Variants in DDX50 observed in about 807,000 individuals in gnomAD.
DDX50 encodes ATP-dependent RNA helicase DDX50.
Under a neutral mutation model 94.8 loss-of-function variants are expected in DDX50, and 56 were observed. That is an observed-to-expected ratio of 0.59 (90% CI 0.48 to 0.74). The LOEUF (loss-of-function observed/expected upper bound fraction) is 0.74, where lower values mean the gene tolerates loss of function less well. Among genes scored for constraint, DDX50 ranks in the 30% least tolerant of loss-of-function variants. The pLI is 0.00. For synonymous variants in DDX50, 264 were observed against 295.4 expected (o/e 0.89, Z 1.09); for missense variants, 713 against 881.2 (o/e 0.81, Z 2.42).
Position 68,919,988 on chromosome 10 carries a change from C to A in DDX50, c.1239+7C>A. ...GAATCCACACATAAAACAGGTAAGT[C>A]TTTTTTTCATGCTTTCTCTAATTGA... On this transcript the variant is annotated splice_region_variant and intron_variant, in intron 8 of 14. Coordinates refer to ENST00000373585, the MANE Select transcript of DDX50 (RefSeq NM_024045.2). 1 of 1,612,808 alleles carries A rather than the reference C, an allele frequency of 6.2e-7. No homozygotes were observed. The highest frequency in any genetic ancestry group is 2.2e-5 in the East Asian group (1 of 44,870).
intron 1 of DDX50, among the ~76,000 whole-genome samples, chr10:68,904,619 A>G (rs140798411): frequency 7.2e-5 from 11 of 152,338 alleles, no homozygotes; most frequent in African/African-American, 2.6e-4. Flanking sequence ...GAGAGTGCCA[A>G]GCATTGTGGG....
rs180887456 is a variant in DDX50 at position 68,929,546 on chromosome 10, C to T, written c.1240-4653C>T. On this transcript the variant is annotated intron_variant, in intron 8 of 14. Coordinates refer to ENST00000373585, the MANE Select transcript of DDX50 (RefSeq NM_024045.2). ...GTTCAAGTGATTCTGCTGCCTCAGC[C>T]TCCTGAGAAGCTGGGACTACAGGCG... Among the ~76,000 whole-genome samples the T allele has an allele frequency of 1.2e-4, 18 of 151,776 alleles. No individual in the cohort carries two copies. In the East Asian group the frequency reaches 2.9e-3, roughly 25 times the overall value.
intron 14 of DDX50, among the ~76,000 whole-genome samples, chr10:68,943,706 AC>A (rs1842602202): frequency 6.6e-6 from 1 of 152,126 alleles, no homozygotes; most frequent in Admixed American, 6.6e-5. Flanking sequence ...TGCTGGGATT[AC>A]AGGCGTGAGC....
chr10:68,928,995 C>G (rs1266442710), intron 8 of DDX50, among the ~76,000 whole-genome samples: 1 of 152,128 alleles, frequency 6.6e-6, no homozygotes, highest in African/African-American at 2.4e-5. Context: ...TTTCACCAGG[C>G]TGGAGTGCAG....
intron 8 of DDX50, among the ~76,000 whole-genome samples, chr10:68,928,108 G>T (rs772886452): frequency 2.6e-5 from 4 of 152,008 alleles, no homozygotes; most frequent in Admixed American, 2.6e-4. Flanking sequence ...TTGAGGCCAG[G>T]CATTCAAAAG....
intron 1 of DDX50, among the ~76,000 whole-genome samples, chr10:68,903,104 A>G (rs17555735): frequency 0.058 from 8,783 of 152,316 alleles, 309 homozygotes; most frequent in Middle Eastern, 0.11. Context: ...GAAATAGAGC[A>G]TTAGAATACA....
At position 68,918,504 on chromosome 10, in the gene DDX50, T is replaced by G. The variant is rs544451023; in HGVS notation, c.1090-1328T>G. On this transcript the variant is annotated intron_variant, in intron 7 of 14. Transcript: ENST00000373585. The stretch of plus-strand genomic sequence containing the variant: ...AGGCTGGAGTGCAGTGGCCTAATTT[T>G]GGCTCACTGCAACCTTCACCTCCCG... 1.7e-4 allele frequency among the ~76,000 whole-genome samples: 24 copies of G among 144,628 alleles called. No individual in the cohort carries two copies. The South Asian group carries it at 5.3e-3, about 32-fold the overall frequency. 94.9% of individuals were successfully genotyped at this position (144,628 alleles called of 152,430 possible).
chr10:68,946,096 A>G (rs1842664479), intron 14 of DDX50, among the ~76,000 whole-genome samples: 1 of 152,054 alleles, frequency 6.6e-6, no homozygotes, highest in Non-Finnish European at 1.5e-5. Flanking sequence ...GTATATTTAT[A>G]GAATGTATTT....
chr10:68,909,813 C>A (rs972928424), intron 2 of DDX50, among the ~76,000 whole-genome samples: 2 of 152,132 alleles, frequency 1.3e-5, no homozygotes, highest in Non-Finnish European at 2.9e-5. Flanking sequence ...CAGGCATGCG[C>A]CACCATGCCT....
At chr10:68,907,534 T>G (rs958758986) in intron 2 of DDX50, among the ~76,000 whole-genome samples, 1 of 152,062 alleles carries the variant, frequency 6.6e-6, no homozygotes, top group Non-Finnish European at 1.5e-5. Flanking sequence ...CAGGCTGGTC[T>G]TGAACTCCTG....
chr10:68,911,033 G>C, intron 3 of DDX50, 35 bp from the exon 4 acceptor site: 1 of 1,380,664 alleles, frequency 7.2e-7, no homozygotes, highest in Non-Finnish European at 9.6e-7. Flanking sequence ...AATGCTAGTC[G>C]TAAAGAAGTA....
Position 68,946,578 on chromosome 10 carries a change from G to C in DDX50, c.2162G>C (p.Ser721Thr). 6.2e-7 allele frequency: 1 copy of C among 1,614,206 alleles called. No homozygotes were observed. The highest frequency in any genetic ancestry group is 8.5e-7 in the Non-Finnish European group (1 of 1,180,042). Residue 721 changes from serine (S) to threonine (T), a missense_variant, in exon 15 of 15, where the codon AGT becomes ACT. Ser to Thr is a moderately conservative substitution (Grantham distance 58). Transcript: ENST00000373585. ...AGTCGACAAGATGGTAGAAGACGAA[G>C]TGGGAATAGAAATCGATCAAGAAGT... ...SGSRQDGRRR[S>T]GNRNRSRSGG...
In DDX50 at chr10:68,934,500, T is replaced by G; in HGVS notation, c.1401+140T>G. 8.3e-7 allele frequency: 1 copy of G among 1,203,930 alleles called. No homozygotes were observed. The highest frequency in any genetic ancestry group is 1.2e-6 in the Non-Finnish European group (1 of 864,664). The allele number at this position is 1,203,930 out of a possible 1,614,324, so 74.6% of individuals were successfully genotyped here. A position where few individuals can be genotyped will look rare whatever the true frequency, so the allele number is the denominator to read the frequency against. ...ATTTTTTGTTAGTGTGCTATTAAAT[T>G]TATCAGATTCTGATACTTTTGCAGA... On this transcript the variant is annotated intron_variant, in intron 9 of 14. Coordinates refer to ENST00000373585, the MANE Select transcript of DDX50 (RefSeq NM_024045.2). The surrounding 1 kb of genome is among the most constrained non-coding windows in gnomAD (Gnocchi z 4.0).
At chr10:68,941,847 C>T (rs1255802054) in intron 13 of DDX50, among the ~76,000 whole-genome samples, 1 of 152,136 alleles carries the variant, frequency 6.6e-6, no homozygotes, top group Admixed American at 6.6e-5. Context: ...AGCATGTTGG[C>T]CAGGCTGGTC....
Position 68,913,431 on chromosome 10 carries a change from A to G in DDX50, c.798A>G (p.Thr266=). The G allele has an allele frequency of 6.2e-7, 1 of 1,614,014 alleles. No homozygotes were observed. The highest frequency in any genetic ancestry group is 1.1e-5 in the South Asian group (1 of 91,020). The change falls in exon 6 of 15, where the codon ACA becomes ACG. Residue 266 remains threonine (T), a synonymous_variant. Coordinates refer to ENST00000373585, the MANE Select transcript of DDX50 (RefSeq NM_024045.2). ...IRNGIDILVG[T]PGRIKDHLQS... is the part of the protein sequence containing the mutation. ...ATGGTATTGACATCTTGGTTGGAAC[A>G]CCTGGTCGTATCAAAGACCATCTGC...
intron 8 of DDX50, among the ~76,000 whole-genome samples, chr10:68,924,553 A>G (rs1251924807): frequency 6.6e-6 from 1 of 151,976 alleles, no homozygotes; most frequent in Non-Finnish European, 1.5e-5. Context: ...TGAACCTTAG[A>G]TGGGAAGGCA....
intron 8 of DDX50, among the ~76,000 whole-genome samples, chr10:68,925,842 G>C (rs1371800842): frequency 2.0e-5 from 3 of 151,702 alleles, no homozygotes; most frequent in African/African-American, 7.3e-5. Context: ...GGTGAAACCC[G>C]GTCTCCACTA....
At position 68,907,000 on chromosome 10, in the gene DDX50, T is replaced by C. The variant is rs1841472251; in HGVS notation, c.377T>C (p.Leu126Pro). 1 of 1,576,154 alleles carries C rather than the reference T, an allele frequency of 6.3e-7. No homozygotes were observed. Among genetic ancestry groups the C allele is most frequent in the Non-Finnish European group, 8.5e-7 (1 of 1,170,964 alleles). Residue 126 changes from leucine to proline, a missense_variant, in exon 2 of 15, where the codon CTA (leucine) becomes CCA (proline). Coordinates refer to ENST00000373585, the MANE Select transcript of DDX50 (RefSeq NM_024045.2). ...ACTCATAAATCAAGTGATAATAAAC[T>C]AGAGGAGGTATGGAAGCTTTTTATT... ...TSTHKSSDNK[L>P]EETLTREQKE...
At chr10:68,910,207 C>T in intron 2 of DDX50, 100 bp from the exon 3 acceptor site, 1 of 997,640 alleles carries the variant, frequency 1.0e-6, no homozygotes. Context: ...AAAAAGTGTT[C>T]CACTAATTTT....
Sources: gnomAD v4.1 joint callset for allele counts (sites outside exome capture counted in the v4.1 genomes callset) on GRCh38, gnomAD v4.1.1 for gene constraint, Gnocchi (gnomAD v3.1) non-coding constraint, MANE v1.5 for transcripts, NCBI Gene and HGNC (gene_info 2026-07-23, HGNC 2026-07-21) for gene names.